Variants in SESN3 observed in about 807,000 individuals in gnomAD.
SESN3 encodes the protein sestrin-3.
In SESN3, 21 loss-of-function variants were observed where a neutral mutation model predicts 55.3. That is an observed-to-expected ratio of 0.38 (90% CI 0.27 to 0.55). SESN3 has a LOEUF of 0.55. Among genes scored for constraint, SESN3 ranks in the 20% least tolerant of loss-of-function variants. SESN3 has a pLI of 0.76. For missense variants in SESN3, 408 were observed against 604.3 expected, an observed-to-expected ratio of 0.68 and a Z score of 3.41; for synonymous variants, 181 against 203.1, an observed-to-expected ratio of 0.89 and a Z score of 0.93.
intron 1 of SESN3, among the ~76,000 whole-genome samples, chr11:95,227,394 T>C (rs971987642): frequency 6.6e-6 from 1 of 152,068 alleles, no homozygotes; most frequent in African/African-American, 2.4e-5. Flanking sequence ...TTAGTAGATA[T>C]GGGGTTTCAC....
intron 1 of SESN3, among the ~76,000 whole-genome samples, chr11:95,215,950 T>C (rs1390319519): frequency 6.6e-6 from 1 of 151,676 alleles, no homozygotes; most frequent in African/African-American, 2.4e-5. Context: ...TACAAAAAAT[T>C]AGCCGGGCAT....
chr11:95,191,256 G>T (rs1860262925), intron 3 of SESN3, 148 bp downstream of exon 3: 2 of 652,938 alleles, frequency 3.1e-6, no homozygotes, highest in Admixed American at 5.0e-5. Flanking sequence ...CAAGACACTT[G>T]GTATCCAAAA....
In SESN3 at chr11:95,185,253, A is replaced by G. The variant is rs753918966; in HGVS notation, c.762+3T>C. On this transcript the variant is annotated splice_donor_region_variant and intron_variant, in intron 5 of 9. Coordinates refer to ENST00000536441, the MANE Select transcript of SESN3 (RefSeq NM_144665.4). ...GTAAAGAAAAATAGCTAAGAAAACTAACCCCAAAGTTGCTGCCTGAAAGAG... is the reference window on the plus strand; with the variant it reads ...GTAAAGAAAAATAGCTAAGAAAACTGACCCCAAAGTTGCTGCCTGAAAGAG... The G allele has an allele frequency of 3.2e-6, 5 of 1,564,844 alleles. No individual in the cohort carries two copies. The highest frequency in any genetic ancestry group is 4.4e-6 in the Non-Finnish European group (5 of 1,138,222).
intron 1 of SESN3, among the ~76,000 whole-genome samples, chr11:95,205,686 G>A (rs1234913186): frequency 6.6e-6 from 1 of 152,156 alleles, no homozygotes; most frequent in African/African-American, 2.4e-5. Flanking sequence ...GTTTCAAGGA[G>A]ATGAAAGCAC....
chr11:95,198,921 AC>A (rs1860412775), intron 1 of SESN3, among the ~76,000 whole-genome samples: 2 of 138,792 alleles, frequency 1.4e-5, no homozygotes, highest in Non-Finnish European at 3.3e-5. Flanking sequence ...AGCATAATAA[AC>A]ATGTACTAAA....
chr11:95,183,042 C>T (rs1427918993), intron 6 of SESN3, among the ~76,000 whole-genome samples: 1 of 152,142 alleles, frequency 6.6e-6, no homozygotes, highest in Non-Finnish European at 1.5e-5. Context: ...TTCTAGGCTC[C>T]TATCTTTCAC....
chr11:95,227,133 C>A (rs1691967475), intron 1 of SESN3, among the ~76,000 whole-genome samples: 1 of 151,378 alleles, frequency 6.6e-6, no homozygotes, highest in South Asian at 2.1e-4. Context: ...TATTACTTAA[C>A]AATTTTGACT....
intron 2 of SESN3, among the ~76,000 whole-genome samples, chr11:95,192,748 A>G (rs1019631611): frequency 6.6e-6 from 1 of 152,182 alleles, no homozygotes; most frequent in African/African-American, 2.4e-5. Flanking sequence ...GTAACTCATT[A>G]TGGAGCCAAG....
At chr11:95,181,598 C>T (rs1860059751) in intron 6 of SESN3, among the ~76,000 whole-genome samples, 2 of 152,092 alleles carry the variant, frequency 1.3e-5, no homozygotes, top group South Asian at 2.1e-4. Context: ...CATTCTGTTG[C>T]AGTAATGGAA....
chr11:95,231,287 C>G (rs914883885), upstream of SESN3: 2 of 391,648 alleles, frequency 5.1e-6, no homozygotes, highest in Non-Finnish European at 9.0e-6. Flanking sequence ...TCCGGCTACG[C>G]CCCCAGGGCG....
intron 2 of SESN3, among the ~76,000 whole-genome samples, chr11:95,193,021 G>A (rs1860296380): frequency 6.6e-6 from 1 of 151,992 alleles, no homozygotes; most frequent in Non-Finnish European, 1.5e-5. Context: ...GTCTTTATAT[G>A]TAGTAGGCAA....
chr11:95,216,110 G>GAAAAAAAAAAAAAAAAAAAAAAAAAAA (rs71036381), intron 1 of SESN3, among the ~76,000 whole-genome samples: 6 of 122,208 alleles, frequency 4.9e-5, no homozygotes, highest in African/African-American at 6.2e-5. Context: ...AAAAAAAAAA[G>GAAAAAAAAAAAAAAAAAAAAAAAAAAA]AAAAAAAAAA....
At position 95,171,705 on chromosome 11, in the gene SESN3, A is replaced by T. The variant is rs1043901202; in HGVS notation, c.*1550T>A. ...AATGGATAAGTTTTCAAAAATTAGC[A>T]TGTATGTGTACAATTCAAGTCACCC... On this transcript the variant is annotated 3_prime_UTR_variant, in exon 10 of 10. Coordinates refer to ENST00000536441, the MANE Select transcript of SESN3 (RefSeq NM_144665.4). 5 of 152,200 alleles carry T rather than the reference A, an allele frequency of 3.3e-5. No individual in the cohort carries two copies. The highest frequency in any genetic ancestry group is 7.4e-5 in the Non-Finnish European group (5 of 68,004). 9.4% of individuals were successfully genotyped at this position (152,200 alleles called of 1,614,324 possible).
chr11:95,220,827 T>A lies in SESN3; in HGVS notation c.78+9956A>T, dbSNP rs74396323. 6.7e-3 allele frequency among the ~76,000 whole-genome samples: 1,014 copies of A among 152,322 alleles called. 11 individuals are homozygous for A. Among genetic ancestry groups the A allele is most frequent in the African/African-American group, 0.024 (977 of 41,562 alleles). On this transcript the variant is annotated intron_variant, in intron 1 of 9. Coordinates refer to ENST00000536441, the MANE Select transcript of SESN3 (RefSeq NM_144665.4). ...TGTCACTTACTGGTAATATAACCTT[T>A]AAGAAGTGAAGAATGCCCTGTGAGC...
chr11:95,229,772 G>A (rs1047195028), intron 1 of SESN3, among the ~76,000 whole-genome samples: 7 of 152,076 alleles, frequency 4.6e-5, no homozygotes, highest in Admixed American at 2.6e-4. Context: ...TTTCAGTCCC[G>A]ATGCATTTGC....
chr11:95,209,780 G>A (rs927590671), intron 1 of SESN3, among the ~76,000 whole-genome samples: 2 of 150,928 alleles, frequency 1.3e-5, no homozygotes, highest in African/African-American at 4.9e-5. Flanking sequence ...ACTTTGGGAG[G>A]CTGAGGCGGG....
Position 95,169,867 on chromosome 11 carries a change from A to G in SESN3, c.*3388T>C, listed in dbSNP as rs1036122632. On this transcript the variant is annotated 3_prime_UTR_variant, in exon 10 of 10. Transcript: ENST00000536441. The stretch of plus-strand genomic sequence containing the variant: ...GCATTTAAGATCTTTAGGAGACATT[A>G]TAACAACTAAATAGGAGCTCTGGTT... The G allele has an allele frequency of 2.6e-5, 4 of 152,202 alleles. No individual in the cohort carries two copies. Among genetic ancestry groups the G allele is most frequent in the African/African-American group, 4.8e-5 (2 of 41,462 alleles). 9.4% of individuals were successfully genotyped at this position (152,202 alleles called of 1,614,324 possible).
intron 1 of SESN3, among the ~76,000 whole-genome samples, chr11:95,210,048 T>C (rs971651413): frequency 2.9e-5 from 4 of 139,120 alleles, no homozygotes; most frequent in African/African-American, 8.1e-5. Context: ...AAAAGAAGGA[T>C]GAGTTCATGC....
At chr11:95,216,517 T>C (rs775447803) in intron 1 of SESN3, among the ~76,000 whole-genome samples, 3 of 152,228 alleles carry the variant, frequency 2.0e-5, no homozygotes, top group Admixed American at 6.5e-5. Flanking sequence ...CTTCAGCACA[T>C]TGATGGCAAC....
Sources: gnomAD v4.1 joint callset for allele counts (sites outside exome capture counted in the v4.1 genomes callset) on GRCh38, gnomAD v4.1.1 for gene constraint, MANE v1.5 for transcripts, NCBI Gene and HGNC (gene_info 2026-07-23, HGNC 2026-07-21) for gene names.